Variants in SEMA5B observed in about 807,000 individuals in gnomAD.
The protein encoded by SEMA5B is semaphorin 5B, also known as semaphorin-5B.
SEMA5B carries 66 observed loss-of-function variants against 135.0 expected under a neutral mutation model. The observed-to-expected ratio is 0.49, with a 90% CI of 0.40 to 0.60. The LOEUF (loss-of-function observed/expected upper bound fraction) is 0.60, where lower values mean the gene tolerates loss of function less well. Ranked by LOEUF, SEMA5B falls within the 20% of genes least tolerant of loss-of-function variation. SEMA5B has a pLI of 0.00. For synonymous variants in SEMA5B, 690 were observed against 639.5 expected (o/e 1.08, Z -1.19); for missense variants, 1,501 against 1,566.3 (o/e 0.96, Z 0.70).
At chr3:122,992,098 G>T (rs902137620) in intron 1 of SEMA5B, among the ~76,000 whole-genome samples, 3 of 152,154 alleles carry the variant, frequency 2.0e-5, no homozygotes, top group African/African-American at 7.2e-5. Flanking sequence ...CTATAACAGA[G>T]GGTCCCTGGG....
chr3:122,954,323 C>G (rs1324971499), intron 2 of SEMA5B, among the ~76,000 whole-genome samples: 3 of 152,254 alleles, frequency 2.0e-5, no homozygotes, highest in Non-Finnish European at 4.4e-5. Context: ...TTCCCTGTTC[C>G]AGCCCTTTCC....
intron 1 of SEMA5B, among the ~76,000 whole-genome samples, chr3:122,966,897 T>TA (rs1940870907): frequency 6.9e-6 from 1 of 145,838 alleles, no homozygotes; most frequent in African/African-American, 2.5e-5. Flanking sequence ...TTATTATTAT[T>TA]ATTAGAGATG....
rs574349469 is a variant in SEMA5B at position 122,966,310 on chromosome 3, G to A, written c.-38-5009C>T. 6.6e-5 allele frequency among the ~76,000 whole-genome samples: 10 copies of A among 152,246 alleles called. No individual in the cohort carries two copies. The East Asian group carries it at 1.9e-3, about 29-fold the overall frequency. ...CAGTTGATAAATGTTTTCATTTGAA[G>A]TTGATGCTTTGGAGGGTGCAAAGAG... On this transcript the variant is annotated intron_variant, in intron 1 of 22. Transcript: ENST00000357599.
chr3:122,966,577 C>T (rs942868877), intron 1 of SEMA5B, among the ~76,000 whole-genome samples: 41 of 139,032 alleles, frequency 2.9e-4, no homozygotes, highest in East Asian at 1.8e-3. Context: ...TTTTTTGAGA[C>T]GGAGTCTCGC....
At chr3:122,992,646 C>G (rs1286279166) in intron 1 of SEMA5B, 1 of 152,284 alleles carries the variant, frequency 6.6e-6, no homozygotes, top group Admixed American at 6.5e-5. Context: ...CCCTAGATCT[C>G]CCACCCCATC....
chr3:122,941,666 G>C (rs1939570446), intron 4 of SEMA5B, among the ~76,000 whole-genome samples: 1 of 152,224 alleles, frequency 6.6e-6, no homozygotes, highest in Non-Finnish European at 1.5e-5. Flanking sequence ...ATAAATGGCA[G>C]CTTTTGAAAT....
Position 122,910,031 on chromosome 3 carries a change from G to T in SEMA5B, c.*112C>A. The T allele has an allele frequency of 8.7e-7, 1 of 1,152,336 alleles. No homozygotes were observed. Among genetic ancestry groups the T allele is most frequent in the Non-Finnish European group, 1.2e-6 (1 of 820,482 alleles). The allele number at this position is 1,152,336 out of a possible 1,614,324, so 71.4% of individuals were successfully genotyped here. ...GATGGGACCCCCCACAGGCAAGGCAGCAAGTTCTTGGCCTAGTGCAGAGGG... is the reference window on the plus strand; with the variant it reads ...GATGGGACCCCCCACAGGCAAGGCATCAAGTTCTTGGCCTAGTGCAGAGGG... On this transcript the variant is annotated 3_prime_UTR_variant, in exon 23 of 23. Coordinates refer to ENST00000357599, the MANE Select transcript of SEMA5B (RefSeq NM_001031702.4).
intron 1 of SEMA5B, among the ~76,000 whole-genome samples, chr3:122,994,270 T>C (rs925449194): frequency 6.6e-6 from 1 of 152,126 alleles, no homozygotes; most frequent in Admixed American, 6.5e-5. Flanking sequence ...TTCCACAGCC[T>C]CTCGTCTCTC....
At chr3:122,925,497 T>C (rs1215698697) in intron 9 of SEMA5B, among the ~76,000 whole-genome samples, 1 of 151,598 alleles carries the variant, frequency 6.6e-6, no homozygotes, top group Non-Finnish European at 1.5e-5. Flanking sequence ...TGAAACCCCA[T>C]CTCTACTAAA....
At chr3:122,928,087 G>A in intron 7 of SEMA5B, 84 bp from the exon 8 acceptor site, 1 of 999,666 alleles carries the variant, frequency 1.0e-6, no homozygotes, top group Non-Finnish European at 1.4e-6. Context: ...GTTTCCTCCT[G>A]TGCCCCAGTC....
intron 9 of SEMA5B, among the ~76,000 whole-genome samples, chr3:122,925,554 GC>G (rs1938583195): frequency 1.3e-5 from 2 of 152,026 alleles, no homozygotes. Context: ...TGTAGTCCCA[GC>G]TACTCTGGAG....
At chr3:122,949,661 A>C (rs1025064194) in intron 2 of SEMA5B, among the ~76,000 whole-genome samples, 1 of 152,258 alleles carries the variant, frequency 6.6e-6, no homozygotes, top group Non-Finnish European at 1.5e-5. Flanking sequence ...CAGATGTCAC[A>C]AGATTCCTAA....
At chr3:123,010,315 C>G (rs1942409515) in intron 1 of SEMA5B, among the ~76,000 whole-genome samples, 1 of 152,118 alleles carries the variant, frequency 6.6e-6, no homozygotes, top group Non-Finnish European at 1.5e-5. Context: ...TGGTCATACC[C>G]TTTCTGGAGA....
At chr3:123,016,750 A>G (rs1223308930) in intron 1 of SEMA5B, among the ~76,000 whole-genome samples, 2 of 150,666 alleles carry the variant, frequency 1.3e-5, no homozygotes, top group African/African-American at 4.9e-5. Context: ...AATTTAAAAA[A>G]CCCTTTTTTT....
At chr3:123,006,685 T>C (rs554102175) in intron 1 of SEMA5B, among the ~76,000 whole-genome samples, 6 of 152,224 alleles carry the variant, frequency 3.9e-5, no homozygotes, top group East Asian at 1.9e-4. Flanking sequence ...AGGATGGCAA[T>C]TGGGCTTTTT....
chr3:122,975,591 C>T (rs189302743), intron 1 of SEMA5B, among the ~76,000 whole-genome samples: 5 of 152,306 alleles, frequency 3.3e-5, no homozygotes, highest in African/African-American at 7.2e-5. Flanking sequence ...ATAATGTTTG[C>T]GGAAGCACAT....
intron 1 of SEMA5B, among the ~76,000 whole-genome samples, chr3:122,963,492 CA>C (rs71136598): frequency 7.5e-4 from 91 of 121,622 alleles, no homozygotes; most frequent in Admixed American, 7.0e-4. Flanking sequence ...GTCTCTGACT[CA>C]AAAAAAAAAA....
chr3:122,947,697 C>T (rs1180428964), intron 3 of SEMA5B, among the ~76,000 whole-genome samples: 4 of 152,162 alleles, frequency 2.6e-5, no homozygotes, highest in African/African-American at 9.7e-5. Flanking sequence ...GCCTCCCCAA[C>T]AGGGTTACTA....
Position 122,948,555 on chromosome 3 carries a change from A to G in SEMA5B, c.279T>C (p.Ser93=). ...SSQDVSSEPS[S]EQQLCALSKH... is the part of the protein sequence containing the mutation. ...TGCTAAGGGCGCACAGCTGCTGCTC[A>G]CTGCTGGGCTCACTGGAGACATCCT... The change falls in exon 3 of 23, where the codon AGT becomes AGC. Residue 93 remains serine, a synonymous_variant. Coordinates refer to ENST00000357599, the MANE Select transcript of SEMA5B (RefSeq NM_001031702.4). 3.7e-6 allele frequency: 6 copies of G among 1,611,660 alleles called. No homozygotes were observed. The highest frequency in any genetic ancestry group is 3.4e-6 in the Non-Finnish European group (4 of 1,178,308).
Sources: allele counts gnomAD v4.1 joint callset (sites outside exome capture counted in the v4.1 genomes callset), GRCh38; gene constraint gnomAD v4.1.1; transcripts MANE v1.5; gene names NCBI Gene and HGNC (gene_info 2026-07-23, HGNC 2026-07-21).